MYOM2: variants seen among roughly 807,000 people sequenced by gnomAD.
The protein encoded by MYOM2 is myomesin-2.
In MYOM2, 254 loss-of-function variants were observed where a neutral mutation model predicts 187.6. The observed-to-expected ratio is 1.35, with a 90% confidence interval of 1.22 to 1.50. The LOEUF (loss-of-function observed/expected upper bound fraction) is 1.50, where lower values mean the gene tolerates loss of function less well. Ranked by LOEUF, MYOM2 falls within the 40% of genes most tolerant of loss-of-function variation. MYOM2 has a pLI of 0.00. For synonymous variants in MYOM2, 981 were observed against 753.8 expected (o/e 1.30, Z -4.94); for missense variants, 2,796 against 1,924.0 (o/e 1.45, Z -8.48).
chr8:2,115,143 GC>G (rs1797197071), intron 25 of MYOM2, among the ~76,000 whole-genome samples: 1 of 141,794 alleles, frequency 7.1e-6, no homozygotes, highest in Non-Finnish European at 1.5e-5. Context: ...AAAATATCAA[GC>G]CCCCAAATAA....
At chr8:2,130,323 A>G (rs1797818217) in intron 32 of MYOM2, among the ~76,000 whole-genome samples, 1 of 121,246 alleles carries the variant, frequency 8.2e-6, no homozygotes, top group Middle Eastern at 3.8e-3. Context: ...GCCCCTCACT[A>G]CGCTATACCC....
chr8:2,141,943 C>A (rs62501380), intron 34 of MYOM2, among the ~76,000 whole-genome samples: 3 of 152,160 alleles, frequency 2.0e-5, no homozygotes, highest in Non-Finnish European at 2.9e-5. Context: ...ACATCCGAAG[C>A]TGACCGCAGT....
intron 23 of MYOM2, among the ~76,000 whole-genome samples, chr8:2,108,527 C>G (rs1796966058): frequency 6.6e-6 from 1 of 152,084 alleles, no homozygotes; most frequent in Non-Finnish European, 1.5e-5. Flanking sequence ...AGGGATATAC[C>G]TACCCCTGCC....
intron 32 of MYOM2, among the ~76,000 whole-genome samples, chr8:2,132,237 A>G (rs1424078682): frequency 6.8e-6 from 1 of 146,240 alleles, no homozygotes; most frequent in Non-Finnish European, 1.5e-5. Flanking sequence ...GGGTCCTGGA[A>G]TATTTTGTGT....
chr8:2,068,971 A>T (rs1334096127), intron 6 of MYOM2, among the ~76,000 whole-genome samples: 3 of 152,122 alleles, frequency 2.0e-5, no homozygotes, highest in Non-Finnish European at 4.4e-5. Context: ...AAAAAATAGG[A>T]CCAGAATGGA....
rs35335787 is a variant in MYOM2, at chr8:2,094,067, G to T, written c.2101G>T (p.Val701Phe). The part of the protein sequence containing the change: ...GMSENSQESD[V>F]IKVQAALTVP... ...GAGTGAAAATTCCCAGGAATCAGAC[G>T]TCATAAAAGTGCAGGCCGCACTCAG... is the stretch of plus-strand genomic sequence containing the variant. The change falls in exon 17 of 37, where the codon GTC becomes TTC. Residue 701 changes from valine to phenylalanine, a missense_variant. Coordinates refer to ENST00000262113, the MANE Select transcript of MYOM2 (RefSeq NM_003970.4). 2 of 1,614,106 alleles carry T rather than the reference G, an allele frequency of 1.2e-6. No individual in the cohort carries two copies. Among genetic ancestry groups the T allele is most frequent in the Admixed American group, 3.3e-5 (2 of 60,008 alleles).
chr8:2,072,573 AAATGTGGGTGTC>A, intron 9 of MYOM2, 64 bp downstream of exon 9: 2 of 1,535,984 alleles, frequency 1.3e-6, no homozygotes, highest in Non-Finnish European at 1.7e-6. Flanking sequence ...AATGTCCTTT[AAATGTGGGTGTC>A]AATGTGGCTT....
chr8:2,136,795 A>G (rs764123226), intron 32 of MYOM2, among the ~76,000 whole-genome samples: 2 of 152,190 alleles, frequency 1.3e-5, no homozygotes, highest in Non-Finnish European at 2.9e-5. Flanking sequence ...TTTTTCTGTA[A>G]GCAAGTTGCT....
chr8:2,082,275 C>T (rs901420814), intron 13 of MYOM2: 1 of 152,174 alleles, frequency 6.6e-6, no homozygotes, highest in Non-Finnish European at 1.5e-5. Context: ...TGTCCTCTAA[C>T]TTAAAAAAAT....
chr8:2,141,656 G>T (rs1294049407), intron 34 of MYOM2, among the ~76,000 whole-genome samples: 1 of 152,146 alleles, frequency 6.6e-6, no homozygotes, highest in Non-Finnish European at 1.5e-5. Flanking sequence ...TTATCTCAGG[G>T]TTGGAATGTT....
In MYOM2 at chr8:2,140,748, C is replaced by T; in HGVS notation, c.3826C>T (p.His1276Tyr). 6.2e-7 allele frequency: 1 copy of T among 1,614,020 alleles called. No homozygotes were observed. The highest frequency in any genetic ancestry group is 8.5e-7 in the Non-Finnish European group (1 of 1,179,980). Reference protein sequence around the residue: ...HKDAKISSSEHMRIGGSEEMA... With the variant: ...HKDAKISSSEYMRIGGSEEMA... The stretch of plus-strand genomic sequence containing the variant: ...AGATGCTAAGATCTCATCCAGTGAG[C>T]ATATGAGAATCGGGGGGAGTGAAGA... Residue 1276 changes from histidine (H) to tyrosine (Y), a missense_variant, in exon 33 of 37, where the codon CAT becomes TAT. Physicochemically the swap from His to Tyr is moderately conservative, Grantham distance 83. Transcript: ENST00000262113.
intron 20 of MYOM2, among the ~76,000 whole-genome samples, chr8:2,101,783 C>T (rs60476021): frequency 0.014 from 2,081 of 152,326 alleles, 52 homozygotes; most frequent in African/African-American, 0.046. Flanking sequence ...TTCATGTGAT[C>T]GCTAAAGTCC....
intron 6 of MYOM2, among the ~76,000 whole-genome samples, chr8:2,066,617 A>G (rs576844897): frequency 6.6e-6 from 1 of 152,366 alleles, no homozygotes; most frequent in African/African-American, 2.4e-5. Context: ...CGGGTCCTGC[A>G]GAGAAGCACC....
intron 21 of MYOM2, among the ~76,000 whole-genome samples, chr8:2,104,323 G>A (rs981982033): frequency 5.3e-5 from 8 of 152,116 alleles, no homozygotes; most frequent in Non-Finnish European, 8.8e-5. Context: ...TTATTGGGGC[G>A]TGGGTGTGGT....
intron 25 of MYOM2, among the ~76,000 whole-genome samples, chr8:2,113,342 A>C (rs1481915988): frequency 6.6e-6 from 1 of 152,230 alleles, no homozygotes. Context: ...AACACAATCC[A>C]CTAGCAGCCA....
At chr8:2,076,308 A>G (rs771217860) in intron 11 of MYOM2, 26 bp downstream of exon 11, 1 of 1,611,030 alleles carries the variant, frequency 6.2e-7, no homozygotes, top group East Asian at 2.2e-5. Context: ...TCTCCCGGGG[A>G]TGGGAACGTT....
Position 2,145,267 on chromosome 8 carries a change from G to A in MYOM2, c.*286G>A. 3.8e-6 allele frequency: 2 copies of A among 531,160 alleles called. No homozygotes were observed. The highest frequency in any genetic ancestry group is 2.5e-5 in the South Asian group (1 of 40,028). The allele number at this position is 531,160 out of a possible 1,614,324, so 32.9% of individuals were successfully genotyped here. A position where few individuals can be genotyped will look rare whatever the true frequency, so the allele number is the denominator to read the frequency against. ...CAGACAACACACTAGAATTTTCACG[G>A]GTGTGGGCACATGGGTGTGGCACCT... is the stretch of plus-strand genomic sequence containing the variant. On this transcript the variant is annotated 3_prime_UTR_variant, in exon 37 of 37. Transcript: ENST00000262113.
intron 31 of MYOM2, 68 bp from the exon 32 acceptor site, chr8:2,129,059 C>G: frequency 4.9e-6 from 6 of 1,213,520 alleles, no homozygotes; most frequent in Admixed American, 1.7e-5. Context: ...CTTGCCGCCG[C>G]GATGCTTTCT....
rs1373389861 is a variant in MYOM2 at position 2,069,475 on chromosome 8, T to A, written c.771T>A (p.Arg257=). The A allele has an allele frequency of 6.2e-7, 1 of 1,614,120 alleles. No homozygotes were observed. The highest frequency in any genetic ancestry group is 1.3e-5 in the African/African-American group (1 of 74,944). The change falls in exon 8 of 37, where the codon CGT becomes CGA. Residue 257 remains arginine, a synonymous_variant. Transcript: ENST00000262113. ...TCCGGGGAGACGAGGAACCATTCCG[T>A]TCGGTGGGACTCCCGATTGGATGTA... ...RRFRGDEEPF[R]SVGLPIGLPL...
Sources: gnomAD v4.1 joint callset for allele counts (sites outside exome capture counted in the v4.1 genomes callset) on GRCh38, gnomAD v4.1.1 for gene constraint, MANE v1.5 for transcripts, NCBI Gene and HGNC (gene_info 2026-07-23, HGNC 2026-07-21) for gene names.